Variants in EIF4G3 observed in about 807,000 individuals in gnomAD.
EIF4G3 encodes the protein eukaryotic translation initiation factor 4 gamma 3.
Under a neutral mutation model 186.4 loss-of-function variants are expected in EIF4G3, and 34 were observed. That is an observed-to-expected ratio of 0.18 (90% confidence interval 0.14 to 0.24). The LOEUF is 0.24. Ranked by LOEUF, EIF4G3 falls within the 10% of genes least tolerant of loss-of-function variation. The pLI is 1.00. For synonymous variants in EIF4G3, 673 were observed against 679.5 expected (o/e 0.99, Z 0.15); for missense variants, 1,536 against 1,948.5 (o/e 0.79, Z 3.99).
intron 2 of EIF4G3, among the ~76,000 whole-genome samples, chr1:21,156,972 T>C (rs2097672613): frequency 6.6e-6 from 1 of 152,090 alleles, no homozygotes. Flanking sequence ...GCAGAAGTAC[T>C]GCGTGAGCCT....
intron 2 of EIF4G3, among the ~76,000 whole-genome samples, chr1:21,143,168 G>A (rs2097369771): frequency 6.6e-6 from 1 of 152,032 alleles, no homozygotes; most frequent in South Asian, 2.1e-4. Flanking sequence ...AGAATAACTT[G>A]AACCTGGGAG....
chr1:21,110,965 A>C (rs2096715870), intron 2 of EIF4G3, among the ~76,000 whole-genome samples: 1 of 152,228 alleles, frequency 6.6e-6, no homozygotes, highest in South Asian at 2.1e-4. Flanking sequence ...ATGCCAAAAC[A>C]CTTGACTTTC....
chr1:21,047,167 T>C (rs1369792769), intron 4 of EIF4G3, among the ~76,000 whole-genome samples: 1 of 152,164 alleles, frequency 6.6e-6, no homozygotes, highest in Non-Finnish European at 1.5e-5. Flanking sequence ...CTATAATCCC[T>C]TCCCCTCTAT....
At position 21,002,785 on chromosome 1, in the gene EIF4G3, A is replaced by G; in HGVS notation, c.-43T>C. The stretch of plus-strand genomic sequence containing the variant: ...GGTATACCAGCGTGGTTGGACCTGC[A>G]TTCTGTCCAGAGGGATAAGGGGTCT... On this transcript the variant is annotated 5_prime_UTR_variant, in exon 5 of 37. An upstream start codon of the reference 5' UTR is lost. Transcript: ENST00000602326. The G allele has an allele frequency of 6.2e-7, 1 of 1,611,674 alleles. No homozygotes were observed. The highest frequency in any genetic ancestry group is 1.3e-5 in the African/African-American group (1 of 74,968).
intron 26 of EIF4G3, among the ~76,000 whole-genome samples, chr1:20,854,374 G>GAAC (rs897734948): frequency 6.6e-6 from 1 of 151,702 alleles, no homozygotes; most frequent in Non-Finnish European, 1.5e-5. Flanking sequence ...TTAAATTTGT[G>GAAC]AACAACAACA....
intron 2 of EIF4G3, chr1:21,174,670 C>G (rs189145602): frequency 5.8e-4 from 89 of 152,304 alleles, no homozygotes; most frequent in African/African-American, 1.9e-3. Context: ...GGCAAACCAG[C>G]CAATCTTCCC....
At chr1:20,928,322 T>C (rs1288677510) in intron 14 of EIF4G3, among the ~76,000 whole-genome samples, 1 of 152,226 alleles carries the variant, frequency 6.6e-6, no homozygotes, top group Non-Finnish European at 1.5e-5. Context: ...GGTGTTCTTG[T>C]TGAAATTTAC....
intron 30 of EIF4G3, among the ~76,000 whole-genome samples, chr1:20,839,422 T>C (rs1383884405): frequency 6.6e-6 from 1 of 152,182 alleles, no homozygotes; most frequent in Non-Finnish European, 1.5e-5. Flanking sequence ...GAAAACTTTT[T>C]AATGGTCCTA....
At chr1:20,860,641 C>T in intron 23 of EIF4G3, 124 bp from the exon 24 acceptor site, 2 of 1,071,526 alleles carry the variant, frequency 1.9e-6, no homozygotes, top group Non-Finnish European at 2.6e-6. Flanking sequence ...ATGGCAGTTT[C>T]TCATGTATCT....
chr1:20,923,627 T>G (rs193034051), intron 14 of EIF4G3, among the ~76,000 whole-genome samples: 1 of 152,036 alleles, frequency 6.6e-6, no homozygotes, highest in Admixed American at 6.6e-5. Context: ...CTCGAATATA[T>G]AACTCTAGAT....
chr1:21,072,225 T>C (rs1369524074), intron 3 of EIF4G3, among the ~76,000 whole-genome samples: 1 of 152,114 alleles, frequency 6.6e-6, no homozygotes, highest in East Asian at 1.9e-4. Context: ...TGATGATAAA[T>C]ACTAAAGTTT....
At chr1:21,102,339 G>A (rs2096543297) in intron 2 of EIF4G3, among the ~76,000 whole-genome samples, 1 of 152,118 alleles carries the variant, frequency 6.6e-6, no homozygotes, top group Admixed American at 6.6e-5. Context: ...GTGGGCCACA[G>A]ATTGCAAACC....
intron 2 of EIF4G3, among the ~76,000 whole-genome samples, chr1:21,095,929 A>G (rs751792810): frequency 1.3e-5 from 2 of 152,258 alleles, no homozygotes; most frequent in South Asian, 2.1e-4. Context: ...GCAAAAATGA[A>G]TGATACACTC....
At chr1:20,965,059 TTC>T (rs1250562833) in intron 12 of EIF4G3, among the ~76,000 whole-genome samples, 1 of 152,212 alleles carries the variant, frequency 6.6e-6, no homozygotes, top group African/African-American at 2.4e-5. Flanking sequence ...GTAAATTTTT[TTC>T]TGTTTCATGC....
At chr1:20,941,151 T>C (rs2095696209) in intron 14 of EIF4G3, 1 of 1,413,706 alleles carries the variant, frequency 7.1e-7, no homozygotes, top group Admixed American at 2.9e-5. Flanking sequence ...TGGTTTTTTG[T>C]TTTCTAGCCC....
chr1:20,807,248 G>T lies in EIF4G3; in HGVS notation c.*71C>A. On this transcript the variant is annotated 3_prime_UTR_variant, in exon 37 of 37. Coordinates refer to ENST00000602326, the MANE Select transcript of EIF4G3 (RefSeq NM_001391906.1). ...GAATTGGCCTTGCTGCACTGTGATT[G>T]GCGAAGACGTGAAACTTTTTAAAAA... 2.8e-6 allele frequency: 4 copies of T among 1,447,018 alleles called. No homozygotes were observed. Among genetic ancestry groups the T allele is most frequent in the South Asian group, 1.4e-5 (1 of 72,292 alleles). 89.6% of individuals were successfully genotyped at this position (1,447,018 alleles called of 1,614,324 possible). A position where few individuals can be genotyped will look rare whatever the true frequency, so the allele number is the denominator to read the frequency against.
rs575074721 is a variant in EIF4G3 at position 20,931,532 on chromosome 1, A to C, written c.1663+9959T>G. Among the ~76,000 whole-genome samples, 255 of 152,300 alleles carry C rather than the reference A, an allele frequency of 1.7e-3. 1 individual carries two copies. Among genetic ancestry groups the C allele is most frequent in the Non-Finnish European group, 3.2e-3 (215 of 68,018 alleles). ...CATATGGTAAATGAGCACTGGCTTC[A>C]AACAGAAGTCACCGGCTGCATAAGC... is the stretch of plus-strand genomic sequence containing the variant. On this transcript the variant is annotated intron_variant, in intron 14 of 36. Transcript: ENST00000602326.
intron 2 of EIF4G3, among the ~76,000 whole-genome samples, chr1:21,138,316 T>G (rs373188186): frequency 1.3e-5 from 2 of 152,120 alleles, no homozygotes; most frequent in Non-Finnish European, 2.9e-5. Context: ...GTCACGAAAA[T>G]TAACTCAATA....
intron 7 of EIF4G3, among the ~76,000 whole-genome samples, chr1:20,984,559 T>TATAC (rs1198154180): frequency 9.1e-5 from 13 of 142,334 alleles, no homozygotes; most frequent in African/African-American, 2.6e-4. Flanking sequence ...TATATATATA[T>TATAC]ACACACACAC....
Sources: gnomAD v4.1 joint callset for allele counts (sites outside exome capture counted in the v4.1 genomes callset) on GRCh38, gnomAD v4.1.1 for gene constraint, MANE v1.5 for transcripts, NCBI Gene and HGNC (gene_info 2026-07-23, HGNC 2026-07-21) for gene names.